PAK3: variants seen among roughly 807,000 people sequenced by gnomAD.
The protein encoded by PAK3 is p21 (RAC1) activated kinase 3.
Under a neutral mutation model 41.0 loss-of-function variants are expected in PAK3, and 4 were observed. That is an observed-to-expected ratio of 0.10 (90% CI 0.05 to 0.22). The LOEUF (loss-of-function observed/expected upper bound fraction) is 0.22, where lower values mean the gene tolerates loss of function less well. Among genes scored for constraint, PAK3 ranks in the 10% least tolerant of loss-of-function variants. PAK3 has a pLI of 1.00. For synonymous variants in PAK3, 146 were observed against 139.6 expected, an observed-to-expected ratio of 1.05 and a Z score of -0.32; for missense variants, 205 against 409.9, an observed-to-expected ratio of 0.50 and a Z score of 4.32.
At chrX:111,149,594 C>T (rs919126077) in intron 7 of PAK3, among the ~76,000 whole-genome samples, 3 of 112,566 alleles carry the variant, frequency 2.7e-5, no homozygotes, top group African/African-American at 3.2e-5. Flanking sequence ...CTCAACACCA[C>T]GTGGAAGCTG....
At chrX:110,977,082 A>G (rs763675186) in intron 1 of PAK3, among the ~76,000 whole-genome samples, 1 of 110,916 alleles carries the variant, frequency 9.0e-6, no homozygotes, top group Non-Finnish European at 1.9e-5. Context: ...CGCTGTGCAC[A>G]TGTACCCTAG....
intron 5 of PAK3, among the ~76,000 whole-genome samples, chrX:111,140,931 C>A (rs1016059906): frequency 2.7e-5 from 3 of 111,716 alleles, no homozygotes; most frequent in African/African-American, 9.8e-5. Flanking sequence ...AATCCATATA[C>A]GGTTGAATGT....
chrX:111,191,809 G>A (rs1039023580), intron 11 of PAK3, among the ~76,000 whole-genome samples: 1 of 111,632 alleles, frequency 9.0e-6, no homozygotes, highest in African/African-American at 3.3e-5. Flanking sequence ...CATAGTGCAT[G>A]ACACTCAGAC....
intron 16 of PAK3, among the ~76,000 whole-genome samples, chrX:111,201,197 T>TA (rs773837298): frequency 4.0e-4 from 45 of 112,665 alleles, no homozygotes; most frequent in African/African-American, 1.4e-3. Flanking sequence ...AGCTTTATTC[T>TA]AATTTTGTCT....
chrX:111,102,396 G>A (rs2093159496), intron 3 of PAK3, among the ~76,000 whole-genome samples: 1 of 112,391 alleles, frequency 8.9e-6, no homozygotes, highest in Non-Finnish European at 1.9e-5. Flanking sequence ...ACAGGAGAAG[G>A]TAGAGGGAAG....
At chrX:111,185,830 G>A (rs1251788919) in intron 11 of PAK3, among the ~76,000 whole-genome samples, 1 of 110,438 alleles carries the variant, frequency 9.1e-6, no homozygotes, top group African/African-American at 3.3e-5. Flanking sequence ...TTTTGCTTAG[G>A]ATTGTCTTGG....
intron 11 of PAK3, among the ~76,000 whole-genome samples, chrX:111,184,991 G>A (rs2094495902): frequency 9.0e-6 from 1 of 111,712 alleles, no homozygotes; most frequent in Non-Finnish European, 1.9e-5. Flanking sequence ...TTCCACAATG[G>A]TTGAACTAAC....
intron 16 of PAK3, among the ~76,000 whole-genome samples, chrX:111,201,388 C>T (rs961460591): frequency 8.9e-6 from 1 of 111,739 alleles, no homozygotes; most frequent in East Asian, 2.8e-4. Context: ...TAGGGAGCAG[C>T]GATTTCTTGG....
At chrX:111,136,067 A>C (rs1256889093) in intron 5 of PAK3, among the ~76,000 whole-genome samples, 1 of 110,849 alleles carries the variant, frequency 9.0e-6, no homozygotes, top group African/African-American at 3.3e-5. Context: ...ATAAATTCAT[A>C]GGGGCGGGAG....
At chrX:111,164,228 T>C (rs1197203736) in intron 10 of PAK3, among the ~76,000 whole-genome samples, 1 of 111,370 alleles carries the variant, frequency 9.0e-6, no homozygotes, top group Non-Finnish European at 1.9e-5. Flanking sequence ...AGTGTGTACA[T>C]GCTCGTGTGT....
At chrX:111,038,339 T>C (rs2092420371) in intron 1 of PAK3, among the ~76,000 whole-genome samples, 1 of 112,263 alleles carries the variant, frequency 8.9e-6, no homozygotes, top group Admixed American at 9.4e-5. Flanking sequence ...TCCTTTTCTT[T>C]TGTGGACCTG....
At chrX:111,003,490 C>G (rs753548928) in intron 1 of PAK3, among the ~76,000 whole-genome samples, 2 of 111,640 alleles carry the variant, frequency 1.8e-5, no homozygotes, top group Non-Finnish European at 3.8e-5. Context: ...AATGGCATCC[C>G]TGACTGGCAC....
intron 1 of PAK3, among the ~76,000 whole-genome samples, chrX:110,963,235 A>G (rs939423000): frequency 1.3e-4 from 15 of 112,631 alleles, no homozygotes; most frequent in African/African-American, 4.2e-4. Context: ...TGTTTACTTC[A>G]TGAAATGAAA....
In PAK3 at chrX:111,220,577, T is replaced by A; in HGVS notation, c.*130T>A. ...TTTACCTTTCAAATGAATAGAAACT[T>A]CTTATAAGCCTTTTTCCTACTCCCT... On this transcript the variant is annotated 3_prime_UTR_variant, in exon 18 of 18. Transcript: ENST00000372007. The A allele has an allele frequency of 1.9e-6, 1 of 516,785 alleles. No homozygotes were observed. The highest frequency in any genetic ancestry group is 3.5e-6 in the Non-Finnish European group (1 of 286,925). The allele number at this position is 516,785 out of a possible 1,213,427, so 42.6% of individuals were successfully genotyped here. A position where few individuals can be genotyped will look rare whatever the true frequency, so the allele number is the denominator to read the frequency against.
chrX:110,973,314 G>T (rs2091252957), intron 1 of PAK3, among the ~76,000 whole-genome samples: 1 of 111,981 alleles, frequency 8.9e-6, no homozygotes, highest in Admixed American at 9.4e-5. Flanking sequence ...TAGCCAAAGA[G>T]AAAGGTCGAG....
intron 4 of PAK3, among the ~76,000 whole-genome samples, chrX:111,118,004 C>A (rs866707245): frequency 1.8e-5 from 2 of 111,325 alleles, no homozygotes; most frequent in Middle Eastern, 4.6e-3. Flanking sequence ...CTGGTTCATT[C>A]TTCTCCCTGT....
intron 1 of PAK3, among the ~76,000 whole-genome samples, chrX:111,005,833 T>C (rs1001344550): frequency 3.6e-5 from 4 of 111,368 alleles, no homozygotes; most frequent in Non-Finnish European, 7.5e-5. Context: ...TAAGAAAAAA[T>C]AGGATGAAAA....
chrX:111,175,650 C>CA (rs1714137121), intron 11 of PAK3, among the ~76,000 whole-genome samples: 1 of 110,812 alleles, frequency 9.0e-6, no homozygotes, highest in South Asian at 3.8e-4. Flanking sequence ...CCAACTGAGC[C>CA]AAAAATAGCA....
At chrX:111,134,003 A>G (rs893233238) in intron 5 of PAK3, among the ~76,000 whole-genome samples, 6 of 112,117 alleles carry the variant, frequency 5.4e-5, no homozygotes, top group African/African-American at 1.6e-4. Flanking sequence ...GAAAATGACC[A>G]TATGACATCC....
Sources: allele counts gnomAD v4.1 joint callset (sites outside exome capture counted in the v4.1 genomes callset), GRCh38; gene constraint gnomAD v4.1.1; transcripts MANE v1.5; gene names NCBI Gene and HGNC (gene_info 2026-07-23, HGNC 2026-07-21).